Variants in RNLS observed in about 807,000 individuals in gnomAD.
RNLS encodes the protein renalase.
In RNLS, 39 loss-of-function variants were observed where a neutral mutation model predicts 39.8. That is an observed-to-expected ratio of 0.98 (90% CI 0.76 to 1.28). RNLS has a LOEUF of 1.28. Ranked by LOEUF, RNLS falls within the 50% of genes most tolerant of loss-of-function variation. The probability of loss-of-function intolerance (pLI) is 0.00; values close to 1 mark genes in which losing one functional copy is unlikely to be tolerated. For missense variants in RNLS, 410 were observed against 413.3 expected (o/e 0.99, Z 0.07); for synonymous variants, 147 against 150.7 (o/e 0.98, Z 0.18).
Position 88,457,516 on chromosome 10 carries a change from G to T in RNLS, c.527-94791C>A, listed in dbSNP as rs189797732. 3.0e-4 allele frequency among the ~76,000 whole-genome samples: 46 copies of T among 152,306 alleles called. No homozygotes were observed. The East Asian group carries it at 8.7e-3, about 29-fold the overall frequency. On this transcript the variant is annotated intron_variant, in intron 4 of 6. Transcript: ENST00000331772. ...AGCCTGCTGTAGTCCTACATTCATGGTAAACCTAACAGATTTTCTGCTGAA... is the reference window on the plus strand; with the variant it reads ...AGCCTGCTGTAGTCCTACATTCATGTTAAACCTAACAGATTTTCTGCTGAA...
At chr10:88,324,686 A>G (rs567119547) in intron 5 of RNLS, among the ~76,000 whole-genome samples, 16 of 152,286 alleles carry the variant, frequency 1.1e-4, no homozygotes, top group African/African-American at 3.4e-4. Flanking sequence ...GCATGTAACA[A>G]ATCTGCACAG....
chr10:88,510,033 A>T (rs1251878525), intron 4 of RNLS, among the ~76,000 whole-genome samples: 1 of 152,170 alleles, frequency 6.6e-6, no homozygotes, highest in Non-Finnish European at 1.5e-5. Flanking sequence ...TAACATTTGG[A>T]GTACATATGC....
intron 5 of RNLS, among the ~76,000 whole-genome samples, chr10:88,336,017 G>A (rs1847465733): frequency 6.6e-6 from 1 of 152,224 alleles, no homozygotes; most frequent in Non-Finnish European, 1.5e-5. Flanking sequence ...GACCTAAGAA[G>A]TATGGATAGA....
rs763334015 is a variant in RNLS, at chr10:88,422,194, G to A, written c.527-59469C>T. On this transcript the variant is annotated intron_variant, in intron 4 of 6. Transcript: ENST00000331772. ...ATAGCTCCAAATACTAAAGGTAGCC[G>A]TCCTATCGGAAGAATGAAAATGCAC... is the stretch of plus-strand genomic sequence containing the variant. Among the ~76,000 whole-genome samples the A allele has an allele frequency of 4.6e-5, 7 of 152,298 alleles. No individual in the cohort carries two copies. The East Asian group carries it at 7.7e-4, about 17-fold the overall frequency.
At chr10:88,420,192 C>T (rs1403277392) in intron 4 of RNLS, among the ~76,000 whole-genome samples, 2 of 151,828 alleles carry the variant, frequency 1.3e-5, no homozygotes, top group Admixed American at 6.6e-5. Flanking sequence ...AATAGGCGTG[C>T]AATTTATAGA....
intron 5 of RNLS, among the ~76,000 whole-genome samples, chr10:88,317,426 G>A (rs963694308): frequency 1.3e-5 from 2 of 152,166 alleles, no homozygotes; most frequent in African/African-American, 2.4e-5. Context: ...CCTCTCCACT[G>A]TTGAAAGAGC....
At chr10:88,175,685 T>G in the RNLS span, among the ~76,000 whole-genome samples, 1 of 152,358 alleles carries the variant, frequency 6.6e-6, no homozygotes, top group East Asian at 1.9e-4. Context: ...TGGAGAACAT[T>G]CCATATGCTG....
chr10:88,235,152 C>T, the RNLS span, among the ~76,000 whole-genome samples: 1 of 150,618 alleles, frequency 6.6e-6, no homozygotes, highest in Non-Finnish European at 1.5e-5. Context: ...CCTGTAGTCC[C>T]AGCTACTAGG....
the RNLS span, among the ~76,000 whole-genome samples, chr10:88,185,675 T>C: frequency 6.6e-6 from 1 of 152,154 alleles, no homozygotes; most frequent in Non-Finnish European, 1.5e-5. Flanking sequence ...ATTCTTTGAC[T>C]AAGCTCTGTC....
chr10:88,312,213 G>A (rs1311765784), intron 6 of RNLS, among the ~76,000 whole-genome samples: 1 of 152,236 alleles, frequency 6.6e-6, no homozygotes, highest in East Asian at 1.9e-4. Context: ...ACACAGGTGG[G>A]CCCAATGTCA....
chr10:88,479,921 ACT>A (rs1844058684), intron 4 of RNLS, among the ~76,000 whole-genome samples: 3 of 151,598 alleles, frequency 2.0e-5, no homozygotes, highest in South Asian at 4.2e-4. Context: ...TGTATGTCAC[ACT>A]CTTTTTAAAT....
At chr10:88,320,686 A>G (rs999002405) in intron 5 of RNLS, among the ~76,000 whole-genome samples, 1 of 142,822 alleles carries the variant, frequency 7.0e-6, no homozygotes, top group South Asian at 2.3e-4. Flanking sequence ...CAAACACATT[A>G]AAAAAAAAAG....
In RNLS at chr10:88,449,581, C is replaced by G. The variant is rs11202748; in HGVS notation, c.527-86856G>C. Among the ~76,000 whole-genome samples, 1,294 of 152,120 alleles carry G rather than the reference C, an allele frequency of 8.5e-3. 22 individuals carry two copies. The highest frequency in any genetic ancestry group is 0.033 in the East Asian group (170 of 5,178). On this transcript the variant is annotated intron_variant, in intron 4 of 6. Coordinates refer to ENST00000331772, the MANE Select transcript of RNLS (RefSeq NM_001031709.3). ...ATGAAGGGCAAGGACTCTCATTTGT[C>G]TTTTTGTCAACAGCTCTTAGTACTC...
chr10:88,319,900 C>A lies in RNLS; in HGVS notation c.701-5259G>T, dbSNP rs552368096. 2.0e-5 allele frequency among the ~76,000 whole-genome samples: 3 copies of A among 151,994 alleles called. No individual in the cohort carries two copies. In the East Asian group the frequency reaches 5.8e-4, roughly 29 times the overall value. On this transcript the variant is annotated intron_variant, in intron 5 of 6. Coordinates refer to ENST00000331772, the MANE Select transcript of RNLS (RefSeq NM_001031709.3). Reference sequence around the variant, plus strand: ...ATTCAGGAAAATCTTACTAACCTTGCTAGAATCATCAACATCCAGATATAA... The same window carrying A: ...ATTCAGGAAAATCTTACTAACCTTGATAGAATCATCAACATCCAGATATAA...
chr10:88,307,334 G>T (rs751822265), intron 6 of RNLS, among the ~76,000 whole-genome samples: 4 of 152,164 alleles, frequency 2.6e-5, no homozygotes. Flanking sequence ...GGGCAATCAG[G>T]CAAGAGAAAG....
the RNLS span, among the ~76,000 whole-genome samples, chr10:88,247,287 A>G: frequency 6.6e-6 from 1 of 152,240 alleles, no homozygotes; most frequent in Non-Finnish European, 1.5e-5. Flanking sequence ...GTAGAATCAG[A>G]GAGGACCCCA....
At chr10:88,179,649 A>C in the RNLS span, among the ~76,000 whole-genome samples, 1 of 152,222 alleles carries the variant, frequency 6.6e-6, no homozygotes. Flanking sequence ...AGTCACATAG[A>C]GATTAAAGGT....
At chr10:88,337,374 G>A (rs1416599143) in intron 5 of RNLS, among the ~76,000 whole-genome samples, 1 of 152,062 alleles carries the variant, frequency 6.6e-6, no homozygotes, top group African/African-American at 2.4e-5. Flanking sequence ...TTGTTTTAGG[G>A]GAATCACCCC....
intron 4 of RNLS, among the ~76,000 whole-genome samples, chr10:88,404,179 C>T (rs1853122084): frequency 2.0e-5 from 3 of 152,098 alleles, no homozygotes; most frequent in Non-Finnish European, 2.9e-5. Context: ...ATATCATTCT[C>T]ATCGGCAATC....
Sources: gnomAD v4.1 joint callset for allele counts (sites outside exome capture counted in the v4.1 genomes callset) on GRCh38, gnomAD v4.1.1 for gene constraint, MANE v1.5 for transcripts, NCBI Gene and HGNC (gene_info 2026-07-23, HGNC 2026-07-21) for gene names.